The following PLXNA4 variants were observed in gnomAD, a reference collection of about 807,000 sequenced individuals.
PLXNA4 encodes plexin-A4.
PLXNA4 carries 44 observed loss-of-function variants against 191.8 expected under a neutral mutation model. That is an observed-to-expected ratio of 0.23 (90% CI 0.18 to 0.29). The LOEUF is 0.29. Among genes scored for constraint, PLXNA4 ranks in the 10% least tolerant of loss-of-function variants. The pLI, the probability that PLXNA4 is intolerant of heterozygous loss-of-function variation, is 1.00. For synonymous variants in PLXNA4, 1,082 were observed against 1,009.5 expected, an observed-to-expected ratio of 1.07 and a Z score of -1.36; for missense variants, 1,800 against 2,488.8, an observed-to-expected ratio of 0.72 and a Z score of 5.89.
chr7:132,314,717 C>T lies in PLXNA4; in HGVS notation c.1372-16495G>A, dbSNP rs115921138. Among the ~76,000 whole-genome samples the T allele has an allele frequency of 4.3e-3, 660 of 152,316 alleles. 7 individuals are homozygous for T. The highest frequency in any genetic ancestry group is 0.015 in the African/African-American group (621 of 41,568). On this transcript the variant is annotated intron_variant, in intron 3 of 31. Coordinates refer to ENST00000321063, the MANE Select transcript of PLXNA4 (RefSeq NM_020911.2). ...GTATCAGAACTGTCCTGGGTCTGCA[C>T]GCTGGAGTTCACTAACTGGACTTCC...
chr7:132,339,005 G>A (rs1802922885), intron 3 of PLXNA4, among the ~76,000 whole-genome samples: 1 of 152,202 alleles, frequency 6.6e-6, no homozygotes, highest in African/African-American at 2.4e-5. Flanking sequence ...GATGACTGAA[G>A]AGGAGGAATG....
At chr7:132,497,629 A>C (rs1367559865) in intron 2 of PLXNA4, among the ~76,000 whole-genome samples, 1 of 152,212 alleles carries the variant, frequency 6.6e-6, no homozygotes, top group African/African-American at 2.4e-5. Context: ...TGTAATGCCT[A>C]AACTTTCTCT....
At chr7:132,515,224 CAG>C (rs1464456195) in intron 1 of PLXNA4, among the ~76,000 whole-genome samples, 1 of 152,132 alleles carries the variant, frequency 6.6e-6, no homozygotes, top group African/African-American at 2.4e-5. Context: ...GAGCAGGGGA[CAG>C]GAGCCTGGAA....
chr7:132,204,882 G>A lies in PLXNA4; in HGVS notation c.2299-1463C>T, dbSNP rs542027047. On this transcript the variant is annotated intron_variant, in intron 10 of 31. Transcript: ENST00000321063. ...TGTGACTTGACATTGCCCTCATACA[G>A]CAACCACGGGGGGATGTACCTCCAG... Among the ~76,000 whole-genome samples, 2 of 152,302 alleles carry A rather than the reference G, an allele frequency of 1.3e-5. 1 individual carries two copies. The highest frequency in any genetic ancestry group is 4.1e-4 in the South Asian group (2 of 4,824).
At chr7:132,256,616 A>C (rs976981250) in intron 4 of PLXNA4, among the ~76,000 whole-genome samples, 3 of 152,192 alleles carry the variant, frequency 2.0e-5, no homozygotes, top group Non-Finnish European at 2.9e-5. Flanking sequence ...CAGAATCAAC[A>C]GTAGATTCTG....
rs139007968 is a variant in PLXNA4 at position 132,292,121 on chromosome 7, G to T, written c.1503+5970C>A. Among the ~76,000 whole-genome samples the T allele has an allele frequency of 3.9e-5, 6 of 152,292 alleles. No homozygotes were observed. The East Asian group carries it at 1.2e-3, about 29-fold the overall frequency. ...CCAGGAAAGTTTCAAACAGCAGTGG[G>T]GAGTCAAAGTTAGTTGATCTCTCTG... On this transcript the variant is annotated intron_variant, in intron 4 of 31. Transcript: ENST00000321063.
chr7:132,436,886 T>C (rs1249210639), intron 3 of PLXNA4, among the ~76,000 whole-genome samples: 1 of 152,214 alleles, frequency 6.6e-6, no homozygotes, highest in Non-Finnish European at 1.5e-5. Flanking sequence ...CAATGCAGGC[T>C]GCTTCAGGGC....
At chr7:132,181,733 G>A (rs2097432940) in intron 17 of PLXNA4, 113 bp from the exon 18 acceptor site, 2 of 1,483,082 alleles carry the variant, frequency 1.3e-6, no homozygotes, top group South Asian at 1.4e-5. Flanking sequence ...GTTGACAAGA[G>A]GATTAGAGAT....
At chr7:132,505,512 C>T (rs1798428093) in intron 2 of PLXNA4, among the ~76,000 whole-genome samples, 1 of 152,152 alleles carries the variant, frequency 6.6e-6, no homozygotes, top group Admixed American at 6.5e-5. Context: ...TATAAACTTG[C>T]CGTCTTCTAA....
At chr7:132,185,549 G>T in intron 15 of PLXNA4, 86 bp from the exon 16 acceptor site, 1 of 1,505,494 alleles carries the variant, frequency 6.6e-7, no homozygotes, top group Non-Finnish European at 8.9e-7. Context: ...ACCGCTCCCT[G>T]CATGTCAGGA....
chr7:132,245,057 AAC>A (rs1303625500), intron 4 of PLXNA4, among the ~76,000 whole-genome samples: 1 of 152,130 alleles, frequency 6.6e-6, no homozygotes, highest in Non-Finnish European at 1.5e-5. Context: ...CTGACCCTGG[AAC>A]ACAAACCACT....
intron 3 of PLXNA4, among the ~76,000 whole-genome samples, chr7:132,424,791 A>G (rs138560250): frequency 1.3e-5 from 2 of 152,354 alleles, no homozygotes; most frequent in East Asian, 3.9e-4. Context: ...AATCAATAAC[A>G]ATTTTATACA....
chr7:132,604,371 G>A (rs577628664), intron 2 of PLXNA4, among the ~76,000 whole-genome samples: 1 of 152,268 alleles, frequency 6.6e-6, no homozygotes, highest in Non-Finnish European at 1.5e-5. Context: ...ATACGGACAG[G>A]AAACAGGAGA....
chr7:132,432,719 G>A (rs973201959), intron 3 of PLXNA4, among the ~76,000 whole-genome samples: 1 of 152,022 alleles, frequency 6.6e-6, no homozygotes, highest in African/African-American at 2.4e-5. Flanking sequence ...TGGATAGTGC[G>A]TTCACTTTTG....
At chr7:132,340,420 G>A (rs1438707643) in intron 3 of PLXNA4, among the ~76,000 whole-genome samples, 1 of 152,184 alleles carries the variant, frequency 6.6e-6, no homozygotes, top group African/African-American at 2.4e-5. Context: ...AAGGCACCTG[G>A]ATGTAAATGA....
chr7:132,620,148 A>G (rs1199690343), intron 2 of PLXNA4, among the ~76,000 whole-genome samples: 1 of 152,174 alleles, frequency 6.6e-6, no homozygotes, highest in East Asian at 1.9e-4. Context: ...GTTTAAGACT[A>G]CAGGGTCACA....
At chr7:132,589,460 G>A (rs879427306) in intron 2 of PLXNA4, among the ~76,000 whole-genome samples, 14 of 152,142 alleles carry the variant, frequency 9.2e-5, no homozygotes, top group Non-Finnish European at 1.9e-4. Context: ...GTTGATGATA[G>A]CATATTATTT....
intron 3 of PLXNA4, among the ~76,000 whole-genome samples, chr7:132,378,472 T>C (rs763353239): frequency 1.3e-5 from 2 of 152,186 alleles, no homozygotes; most frequent in Non-Finnish European, 2.9e-5. Context: ...AAGCAGGCTG[T>C]GTCCTGGGTT....
chr7:132,228,514 G>C, intron 5 of PLXNA4, 45 bp from the exon 6 acceptor site: 4 of 1,608,612 alleles, frequency 2.5e-6, no homozygotes, highest in Non-Finnish European at 3.4e-6. Flanking sequence ...TGGCCGCTTG[G>C]TCCAGGGAGG....
Sources: gnomAD v4.1 joint callset for allele counts (sites outside exome capture counted in the v4.1 genomes callset) on GRCh38, gnomAD v4.1.1 for gene constraint, MANE v1.5 for transcripts, NCBI Gene and HGNC (gene_info 2026-07-23, HGNC 2026-07-21) for gene names.